CDH4: variants seen among roughly 807,000 people sequenced by gnomAD.
The protein encoded by CDH4 is cadherin 4.
CDH4 carries 33 observed loss-of-function variants against 86.0 expected under a neutral mutation model. The observed-to-expected ratio is 0.38, with a 90% CI of 0.29 to 0.51. The LOEUF (loss-of-function observed/expected upper bound fraction) is 0.51. Ranked by LOEUF, CDH4 falls within the 20% of genes least tolerant of loss-of-function variation. The probability of loss-of-function intolerance (pLI) is 0.86; values close to 1 mark genes in which losing one functional copy is unlikely to be tolerated. For missense variants in CDH4, 1,114 were observed against 1,307.4 expected, an observed-to-expected ratio of 0.85 and a Z score of 2.28; for synonymous variants, 555 against 549.4, an observed-to-expected ratio of 1.01 and a Z score of -0.14.
chr20:61,803,699 G>T (rs1281542859), intron 4 of CDH4, among the ~76,000 whole-genome samples: 1 of 152,252 alleles, frequency 6.6e-6, no homozygotes. Flanking sequence ...CCCAAGGGAG[G>T]TTGGAAGGAA....
chr20:61,339,558 C>T (rs1047900551), intron 2 of CDH4, among the ~76,000 whole-genome samples: 1 of 152,000 alleles, frequency 6.6e-6, no homozygotes, highest in Non-Finnish European at 1.5e-5. Flanking sequence ...ATGAAGAGAT[C>T]GTACATACTT....
chr20:61,279,225 C>T (rs113359477), intron 2 of CDH4, among the ~76,000 whole-genome samples: 1,630 of 152,324 alleles, frequency 0.011, 25 homozygotes, highest in African/African-American at 0.037. Flanking sequence ...CAGAGGGACA[C>T]GGCGAGGCAC....
At chr20:61,733,535 C>T (rs1568784612) in intron 2 of CDH4, among the ~76,000 whole-genome samples, 2 of 152,082 alleles carry the variant, frequency 1.3e-5, no homozygotes, top group South Asian at 2.1e-4. Flanking sequence ...TGACTTTGTT[C>T]GTGGGCCGGC....
intron 3 of CDH4, among the ~76,000 whole-genome samples, chr20:61,747,426 A>G (rs546672504): frequency 6.7e-6 from 1 of 148,624 alleles, no homozygotes; most frequent in African/African-American, 2.5e-5. Flanking sequence ...AGCCTAGGCA[A>G]CAGAGTGAGA....
At chr20:61,512,788 C>T (rs1421957503) in intron 2 of CDH4, among the ~76,000 whole-genome samples, 1 of 152,198 alleles carries the variant, frequency 6.6e-6, no homozygotes, top group African/African-American at 2.4e-5. Context: ...CCATTCCTGA[C>T]TCTTCGAGGA....
intron 4 of CDH4, among the ~76,000 whole-genome samples, chr20:61,816,699 G>GAT (rs1980732739): frequency 1.4e-5 from 2 of 140,444 alleles, no homozygotes; most frequent in Non-Finnish European, 3.3e-5. Flanking sequence ...GGGGGGGGGC[G>GAT]GTTTGTGGGT....
At chr20:61,424,231 C>G (rs1600966348) in intron 2 of CDH4, among the ~76,000 whole-genome samples, 1 of 142,366 alleles carries the variant, frequency 7.0e-6, no homozygotes, top group Non-Finnish European at 1.6e-5. Flanking sequence ...TGTATATACA[C>G]ATATCCACAT....
intron 7 of CDH4, among the ~76,000 whole-genome samples, chr20:61,880,689 TG>T (rs1984236653): frequency 6.6e-6 from 1 of 151,912 alleles, no homozygotes; most frequent in South Asian, 2.1e-4. Context: ...CCCCTGGCCT[TG>T]GGGGTGAGGG....
chr20:61,539,216 A>G (rs1381024646), intron 2 of CDH4, among the ~76,000 whole-genome samples: 1 of 152,006 alleles, frequency 6.6e-6, no homozygotes, highest in East Asian at 1.9e-4. Flanking sequence ...TCTTCTCCTC[A>G]CCTTGCTTTG....
chr20:61,848,103 T>C (rs1179640178), intron 5 of CDH4, among the ~76,000 whole-genome samples: 1 of 152,260 alleles, frequency 6.6e-6, no homozygotes, highest in Non-Finnish European at 1.5e-5. Flanking sequence ...CCTCTGTAGA[T>C]GGTCCTGCAG....
chr20:61,353,296 A>G (rs1409130058), intron 2 of CDH4, among the ~76,000 whole-genome samples: 1 of 151,876 alleles, frequency 6.6e-6, no homozygotes, highest in Non-Finnish European at 1.5e-5. Flanking sequence ...CTCTGGAACC[A>G]TGGGGCAGCC....
At chr20:61,298,194 G>T (rs1037731829) in intron 2 of CDH4, among the ~76,000 whole-genome samples, 1 of 152,186 alleles carries the variant, frequency 6.6e-6, no homozygotes, top group South Asian at 2.1e-4. Context: ...CTGTGTCAGC[G>T]GCTGCCTAAC....
intron 2 of CDH4, among the ~76,000 whole-genome samples, chr20:61,434,293 A>G (rs963557659): frequency 2.6e-5 from 4 of 152,296 alleles, no homozygotes; most frequent in African/African-American, 7.2e-5. Flanking sequence ...GCCCAGCTCT[A>G]TGAAGGCTCT....
chr20:61,652,467 T>C (rs561265844), intron 2 of CDH4, among the ~76,000 whole-genome samples: 2 of 152,242 alleles, frequency 1.3e-5, no homozygotes, highest in Non-Finnish European at 2.9e-5. Flanking sequence ...TATTTAAGCG[T>C]CCTTTATGAC....
At chr20:61,669,627 T>C (rs922495869) in intron 2 of CDH4, among the ~76,000 whole-genome samples, 5 of 152,206 alleles carry the variant, frequency 3.3e-5, no homozygotes, top group Admixed American at 6.5e-5. Flanking sequence ...GTAATGTTCC[T>C]GGAGAAGAGA....
intron 2 of CDH4, among the ~76,000 whole-genome samples, chr20:61,297,549 C>T (rs1377130846): frequency 3.3e-5 from 5 of 152,244 alleles, no homozygotes; most frequent in African/African-American, 1.2e-4. Context: ...GGCCCCTGGG[C>T]GTGGCCCACT....
In CDH4 at chr20:61,562,126, G is replaced by C. The variant is rs868821825; in HGVS notation, c.170-181437G>C. ...AGGGCTCCCGGAGAGAGGGACCTCCGTGTGGAGAGGTGGACCCCAGGGCTC... is the reference window on the plus strand; with the variant it reads ...AGGGCTCCCGGAGAGAGGGACCTCCCTGTGGAGAGGTGGACCCCAGGGCTC... On this transcript the variant is annotated intron_variant, in intron 2 of 15. Coordinates refer to ENST00000614565, the MANE Select transcript of CDH4 (RefSeq NM_001794.5). Among the ~76,000 whole-genome samples, 787 of 86,098 alleles carry C rather than the reference G, an allele frequency of 9.1e-3. 42 individuals are homozygous for C. The highest frequency in any genetic ancestry group is 0.013 in the East Asian group (33 of 2,594). 56.5% of individuals were successfully genotyped at this position (86,098 alleles called of 152,430 possible).
intron 2 of CDH4, among the ~76,000 whole-genome samples, chr20:61,559,506 TTAA>T: frequency 7.0e-6 from 1 of 143,458 alleles, no homozygotes; most frequent in East Asian, 2.0e-4. Context: ...TCCTTTCTTT[TTAA>T]TTTTTTTTTC....
intron 2 of CDH4, among the ~76,000 whole-genome samples, chr20:61,455,817 C>T (rs1478062481): frequency 6.6e-6 from 1 of 152,168 alleles, no homozygotes; most frequent in Non-Finnish European, 1.5e-5. Flanking sequence ...ATGGTCCTTA[C>T]ATGTCATCTG....
Sources: gnomAD v4.1 joint callset for allele counts (sites outside exome capture counted in the v4.1 genomes callset) on GRCh38, gnomAD v4.1.1 for gene constraint, MANE v1.5 for transcripts, NCBI Gene and HGNC (gene_info 2026-07-23, HGNC 2026-07-21) for gene names.